The following PCNX2 variants were observed in gnomAD, a reference collection of about 807,000 sequenced individuals.
PCNX2 encodes pecanex 2.
Under a neutral mutation model 223.8 loss-of-function variants are expected in PCNX2, and 168 were observed. That is an observed-to-expected ratio of 0.75 (90% CI 0.66 to 0.85). The LOEUF (loss-of-function observed/expected upper bound fraction) is 0.85, where lower values mean the gene tolerates loss of function less well. PCNX2 is among the 40% of genes least tolerant of loss of function. The pLI is 0.00. For synonymous variants in PCNX2, 1,006 were observed against 1,052.6 expected (o/e 0.96, Z 0.86); for missense variants, 2,507 against 2,675.5 (o/e 0.94, Z 1.39).
At chr1:233,132,513 T>C (rs1676562300) in intron 21 of PCNX2, among the ~76,000 whole-genome samples, 1 of 152,120 alleles carries the variant, frequency 6.6e-6, no homozygotes, top group African/African-American at 2.4e-5. Flanking sequence ...TTACTACAGG[T>C]ATGGAATTAT....
chr1:233,074,544 G>A (rs1299213558), intron 23 of PCNX2, among the ~76,000 whole-genome samples: 3 of 128,246 alleles, frequency 2.3e-5, no homozygotes, highest in African/African-American at 5.9e-5. Flanking sequence ...GCAGTGAGCC[G>A]AGATCCCGCC....
intron 15 of PCNX2, among the ~76,000 whole-genome samples, chr1:233,185,045 T>G (rs959915047): frequency 6.6e-6 from 1 of 150,982 alleles, no homozygotes; most frequent in Non-Finnish European, 1.5e-5. Flanking sequence ...CCAGGTTACC[T>G]GTTCACTTTT....
chr1:233,258,319 C>G lies in PCNX2; in HGVS notation c.1543G>C (p.Asp515His). The G allele has an allele frequency of 1.2e-6, 2 of 1,614,016 alleles. No individual in the cohort carries two copies. Among genetic ancestry groups the G allele is most frequent in the Non-Finnish European group, 1.7e-6 (2 of 1,179,896 alleles). Residue 515 changes from aspartate to histidine, a missense_variant, in exon 5 of 34, where the codon GAC (aspartate) becomes CAC (histidine). Coordinates refer to ENST00000258229, the MANE Select transcript of PCNX2 (RefSeq NM_014801.4). ...KVGKEGQTNL[D>H]PSSCKSSHEK... ...TGGCTGGACTTACAAGACGATGGGT[C>G]AAGGTTAGTCTGGCCTTCCTTCCCC...
At position 233,232,950 on chromosome 1, in the gene PCNX2, C is replaced by T. The variant is rs1008098582; in HGVS notation, c.2358+3895G>A. The T allele has an allele frequency of 4.1e-6, 4 of 985,138 alleles. No homozygotes were observed. In the African/African-American group the frequency reaches 7.0e-5, roughly 17 times the overall value. The allele number at this position is 985,138 out of a possible 1,614,324, so 61.0% of individuals were successfully genotyped here. ...AAAACACTTTCACATACAATACTAT[C>T]TCATTTTTTAATGTAAGACAAGCTG... On this transcript the variant is annotated intron_variant, in intron 9 of 33. Transcript: ENST00000258229.
intron 17 of PCNX2, among the ~76,000 whole-genome samples, chr1:233,177,347 T>C (rs1382131718): frequency 1.3e-5 from 2 of 152,242 alleles, no homozygotes; most frequent in African/African-American, 2.4e-5. Context: ...CCTTCCTTTG[T>C]TCTCCTCTAC....
the PCNX2 span, among the ~76,000 whole-genome samples, chr1:233,318,465 T>C: frequency 6.6e-6 from 1 of 151,838 alleles, no homozygotes; most frequent in Non-Finnish European, 1.5e-5. Context: ...CAATGGCTGG[T>C]GAACCCATAA....
chr1:233,032,726 T>C (rs1032319371), intron 25 of PCNX2, among the ~76,000 whole-genome samples: 3 of 152,074 alleles, frequency 2.0e-5, no homozygotes, highest in African/African-American at 7.2e-5. Context: ...CTGAGTGAAA[T>C]AGCACAGTAG....
At chr1:233,128,103 C>CGA (rs993432426) in intron 21 of PCNX2, among the ~76,000 whole-genome samples, 1 of 152,144 alleles carries the variant, frequency 6.6e-6, no homozygotes, top group Non-Finnish European at 1.5e-5. Context: ...GGTTCTGGTG[C>CGA]GATCATTCAT....
At chr1:233,170,810 CCT>C (rs1679104803) in intron 17 of PCNX2, among the ~76,000 whole-genome samples, 1 of 151,894 alleles carries the variant, frequency 6.6e-6, no homozygotes, top group Non-Finnish European at 1.5e-5. Flanking sequence ...TCCGTTTTTC[CCT>C]CTGTTTGGAT....
chr1:233,002,861 A>G (rs984368810), intron 28 of PCNX2, among the ~76,000 whole-genome samples: 5 of 152,178 alleles, frequency 3.3e-5, no homozygotes, highest in African/African-American at 1.2e-4. Context: ...CACATTTACA[A>G]CCATCTGATC....
chr1:233,236,653 G>A (rs1658434074), intron 9 of PCNX2, among the ~76,000 whole-genome samples, 192 bp downstream of exon 9: 1 of 152,164 alleles, frequency 6.6e-6, no homozygotes. Context: ...TCAACCCAAG[G>A]TTAGCTGCTA....
chr1:233,022,093 G>A (rs767611288), intron 26 of PCNX2, among the ~76,000 whole-genome samples: 2 of 152,080 alleles, frequency 1.3e-5, no homozygotes, highest in Non-Finnish European at 2.9e-5. Context: ...CCATGGTGAC[G>A]AGTTGGGCCT....
At chr1:233,177,982 C>T in intron 16 of PCNX2, 84 bp from the exon 17 acceptor site, 3 of 1,010,088 alleles carry the variant, frequency 3.0e-6, no homozygotes, top group South Asian at 1.5e-5. Flanking sequence ...AGATCTCACA[C>T]CCACACATGA....
intron 25 of PCNX2, among the ~76,000 whole-genome samples, chr1:233,048,582 T>C (rs1303688025): frequency 6.6e-6 from 1 of 152,154 alleles, no homozygotes; most frequent in Non-Finnish European, 1.5e-5. Context: ...AATTTAATGA[T>C]GTAACATCAC....
chr1:233,044,691 G>A (rs1470413257), intron 25 of PCNX2, among the ~76,000 whole-genome samples: 3 of 150,646 alleles, frequency 2.0e-5, no homozygotes, highest in South Asian at 2.1e-4. Flanking sequence ...TTTTTGAGAC[G>A]GAGTTTCACT....
In PCNX2 at chr1:233,263,296, T is replaced by C. The variant is rs1572171905; in HGVS notation, c.154-133A>G. 15 of 783,374 alleles carry C rather than the reference T, an allele frequency of 1.9e-5. No homozygotes were observed. The East Asian group carries it at 4.1e-4, about 22-fold the overall frequency. The allele number at this position is 783,374 out of a possible 1,614,324, so 48.5% of individuals were successfully genotyped here. On this transcript the variant is annotated intron_variant, in intron 1 of 33. Coordinates refer to ENST00000258229, the MANE Select transcript of PCNX2 (RefSeq NM_014801.4). Reference sequence around the variant, plus strand: ...TTTCAAATTAGACTAATTTTTTAAGTTTTCCTGGTTAAAATACTTGAGGAG... The same window carrying C: ...TTTCAAATTAGACTAATTTTTTAAGCTTTCCTGGTTAAAATACTTGAGGAG...
chr1:233,081,049 A>C (rs1673334382), intron 23 of PCNX2, among the ~76,000 whole-genome samples: 1 of 152,310 alleles, frequency 6.6e-6, no homozygotes, highest in East Asian at 1.9e-4. Context: ...TCACCCATTT[A>C]AAAAGCTACC....
chr1:233,034,642 G>C (rs945355702), intron 25 of PCNX2, among the ~76,000 whole-genome samples: 3 of 152,226 alleles, frequency 2.0e-5, no homozygotes, highest in Admixed American at 2.0e-4. Flanking sequence ...CACCTGCCAA[G>C]ATGGAGGCAG....
At chr1:233,029,856 G>A (rs1433254935) in intron 25 of PCNX2, among the ~76,000 whole-genome samples, 3 of 152,058 alleles carry the variant, frequency 2.0e-5, no homozygotes, top group Non-Finnish European at 2.9e-5. Context: ...AATCTCACAT[G>A]TGCTTATAAT....
Sources: gnomAD v4.1 joint callset for allele counts (sites outside exome capture counted in the v4.1 genomes callset) on GRCh38, gnomAD v4.1.1 for gene constraint, MANE v1.5 for transcripts, NCBI Gene and HGNC (gene_info 2026-07-23, HGNC 2026-07-21) for gene names.